CA10: variants seen among roughly 807,000 people sequenced by gnomAD.
CA10 encodes carbonic anhydrase 10 (inactive).
A neutral mutation model predicts 44.2 loss-of-function variants in CA10; 14 were observed. The ratio of observed to expected loss-of-function variants is 0.32; its 90% CI spans 0.21 to 0.50. CA10 has a LOEUF of 0.50. Among genes scored for constraint, CA10 ranks in the 20% least tolerant of loss-of-function variants. The probability of loss-of-function intolerance (pLI) is 0.99; values close to 1 mark genes in which losing one functional copy is unlikely to be tolerated. For missense variants in CA10, 350 were observed against 409.7 expected (o/e 0.85, Z 1.26); for synonymous variants, 159 against 141.6 (o/e 1.12, Z -0.87).
intron 3 of CA10, among the ~76,000 whole-genome samples, chr17:51,869,191 T>A (rs183956882): frequency 2.3e-4 from 35 of 152,248 alleles, no homozygotes; most frequent in African/African-American, 8.4e-4. Context: ...TTAATAAGAT[T>A]AAGAAGTTCA....
intron 1 of CA10, among the ~76,000 whole-genome samples, chr17:52,123,252 T>C (rs906036608): frequency 6.6e-6 from 1 of 151,710 alleles, no homozygotes; most frequent in African/African-American, 2.4e-5. Flanking sequence ...ATGGTAGGTA[T>C]ACCATGTTTT....
intron 3 of CA10, among the ~76,000 whole-genome samples, chr17:51,849,233 G>GTA (rs1217693250): frequency 0.13 from 5,200 of 38,880 alleles, 415 homozygotes; most frequent in Middle Eastern, 0.17. Context: ...ATATGTGTGT[G>GTA]TATATATATA....
chr17:52,073,396 T>TA (rs1987737064), intron 1 of CA10, among the ~76,000 whole-genome samples: 1 of 152,140 alleles, frequency 6.6e-6, no homozygotes, highest in Non-Finnish European at 1.5e-5. Context: ...TTGGACTGTT[T>TA]AGCTTCAAGT....
intron 4 of CA10, among the ~76,000 whole-genome samples, chr17:51,666,398 T>G (rs1160252064): frequency 2.6e-5 from 4 of 152,286 alleles, no homozygotes; most frequent in East Asian, 3.9e-4. Flanking sequence ...CATCCAAAGT[T>G]TGAAGATGGA....
At chr17:51,788,501 C>A (rs1056878449) in intron 3 of CA10, among the ~76,000 whole-genome samples, 2 of 152,168 alleles carry the variant, frequency 1.3e-5, no homozygotes, top group Admixed American at 6.5e-5. Context: ...AACATGATGA[C>A]CTCCATCTAA....
chr17:51,649,494 G>A (rs1451794973), intron 5 of CA10, among the ~76,000 whole-genome samples: 1 of 152,228 alleles, frequency 6.6e-6, no homozygotes, highest in Non-Finnish European at 1.5e-5. Flanking sequence ...CTATGATTGA[G>A]TCATTGGTGT....
intron 1 of CA10, among the ~76,000 whole-genome samples, chr17:52,128,030 A>G (rs1167559621): frequency 6.6e-6 from 1 of 152,216 alleles, no homozygotes; most frequent in Non-Finnish European, 1.5e-5. Flanking sequence ...TGAGTACACA[A>G]AGAGGTATGT....
chr17:52,067,395 C>T (rs1001405655), intron 2 of CA10, among the ~76,000 whole-genome samples: 17 of 152,248 alleles, frequency 1.1e-4, no homozygotes, highest in African/African-American at 4.1e-4. Flanking sequence ...GGAACCTCTG[C>T]CCAGATTTTG....
intron 3 of CA10, among the ~76,000 whole-genome samples, chr17:51,913,721 G>A (rs935335758): frequency 6.6e-6 from 1 of 152,134 alleles, no homozygotes; most frequent in Non-Finnish European, 1.5e-5. Context: ...CTGTGCAGAA[G>A]GGATGACCCT....
At chr17:51,671,195 C>G (rs1914407161) in intron 4 of CA10, among the ~76,000 whole-genome samples, 1 of 152,080 alleles carries the variant, frequency 6.6e-6, no homozygotes, top group South Asian at 2.1e-4. Flanking sequence ...TGGGGGCCGG[C>G]CTTTGGCTCT....
intron 4 of CA10, among the ~76,000 whole-genome samples, chr17:51,664,230 T>C (rs1013593152): frequency 4.6e-5 from 7 of 152,208 alleles, no homozygotes; most frequent in African/African-American, 1.7e-4. Flanking sequence ...TTGGTCTAGA[T>C]GGGTTTATAA....
intron 4 of CA10, among the ~76,000 whole-genome samples, chr17:51,719,347 C>T (rs933925900): frequency 6.6e-6 from 1 of 152,114 alleles, no homozygotes; most frequent in African/African-American, 2.4e-5. Context: ...CTAGGTGACA[C>T]CTGAGGTTCG....
chr17:51,656,953 GA>G (rs1404907486), intron 4 of CA10, among the ~76,000 whole-genome samples: 4 of 152,298 alleles, frequency 2.6e-5, no homozygotes, highest in South Asian at 4.2e-4. Flanking sequence ...CAGATCATAG[GA>G]CCCCTGGAAT....
intron 3 of CA10, among the ~76,000 whole-genome samples, chr17:51,859,671 C>T (rs1450130430): frequency 3.9e-5 from 6 of 152,048 alleles, no homozygotes; most frequent in Non-Finnish European, 8.8e-5. Flanking sequence ...AACTCTGAGC[C>T]TCTGTTTCCT....
chr17:51,738,141 G>C (rs1324126251), intron 4 of CA10, among the ~76,000 whole-genome samples: 1 of 152,158 alleles, frequency 6.6e-6, no homozygotes, highest in Non-Finnish European at 1.5e-5. Context: ...ACAGTAATTA[G>C]TTCATATTTT....
At chr17:51,935,479 A>G (rs899479993) in intron 2 of CA10, among the ~76,000 whole-genome samples, 12 of 152,194 alleles carry the variant, frequency 7.9e-5, no homozygotes, top group African/African-American at 2.9e-4. Context: ...TTTTTGTACA[A>G]TCTTCTAATT....
chr17:51,825,699 G>C (rs1295190778), intron 3 of CA10, among the ~76,000 whole-genome samples: 1 of 152,176 alleles, frequency 6.6e-6, no homozygotes, highest in Admixed American at 6.5e-5. Flanking sequence ...TACAAACATA[G>C]TGTCTTGCCT....
intron 3 of CA10, among the ~76,000 whole-genome samples, chr17:51,888,322 C>G (rs184466941): frequency 1.3e-5 from 2 of 152,156 alleles, no homozygotes; most frequent in African/African-American, 2.4e-5. Flanking sequence ...AAATAAGCTA[C>G]TTTCAAATAT....
chr17:51,654,186 T>A (rs994223861), intron 4 of CA10, among the ~76,000 whole-genome samples: 1 of 152,170 alleles, frequency 6.6e-6, no homozygotes, highest in African/African-American at 2.4e-5. Flanking sequence ...GAGTCAGCCA[T>A]GACTGGGATG....
Sources: allele counts gnomAD v4.1 joint callset (sites outside exome capture counted in the v4.1 genomes callset), GRCh38; gene constraint gnomAD v4.1.1; transcripts MANE v1.5; gene names NCBI Gene and HGNC (gene_info 2026-07-23, HGNC 2026-07-21).